The following SYT10 variants were observed in gnomAD, a reference collection of about 807,000 sequenced individuals.
SYT10 encodes synaptotagmin 10.
In SYT10, 31 loss-of-function variants were observed where a neutral mutation model predicts 51.1. That is an observed-to-expected ratio of 0.61 (90% CI 0.46 to 0.82). SYT10 has a LOEUF of 0.82. SYT10 is among the 40% of genes least tolerant of loss of function. The pLI, the probability that SYT10 is intolerant of heterozygous loss-of-function variation, is 0.00. For synonymous variants in SYT10, 233 were observed against 225.9 expected, an observed-to-expected ratio of 1.03 and a Z score of -0.28; for missense variants, 603 against 634.0, an observed-to-expected ratio of 0.95 and a Z score of 0.53.
At chr12:33,438,816 AT>A (rs1332832481) in intron 1 of SYT10, among the ~76,000 whole-genome samples, 7 of 152,236 alleles carry the variant, frequency 4.6e-5, no homozygotes, top group Non-Finnish European at 1.0e-4. Flanking sequence ...GGCTTTAGAA[AT>A]TGTCAGGTGC....
intron 1 of SYT10, among the ~76,000 whole-genome samples, chr12:33,429,048 T>C (rs1327135293): frequency 6.6e-6 from 1 of 152,080 alleles, no homozygotes; most frequent in African/African-American, 2.4e-5. Context: ...GGTGTTTTCA[T>C]TAGGATTTGC....
chr12:33,394,843 C>T (rs921020270), intron 3 of SYT10, among the ~76,000 whole-genome samples: 2 of 152,210 alleles, frequency 1.3e-5, no homozygotes, highest in Non-Finnish European at 2.9e-5. Flanking sequence ...AAACCCAGCA[C>T]TTTGGGAGCC....
chr12:33,436,131 T>A (rs1866635794), intron 1 of SYT10, among the ~76,000 whole-genome samples: 1 of 152,140 alleles, frequency 6.6e-6, no homozygotes, highest in South Asian at 2.1e-4. Context: ...CAACATAGGT[T>A]CCTTGAAATT....
chr12:33,381,292 C>A (rs1591980327), intron 5 of SYT10, among the ~76,000 whole-genome samples: 1 of 151,170 alleles, frequency 6.6e-6, no homozygotes, highest in Non-Finnish European at 1.5e-5. Flanking sequence ...TTCAGTGTTT[C>A]CCCCCCTAGC....
chr12:33,430,172 T>G (rs1866585009), intron 1 of SYT10, among the ~76,000 whole-genome samples: 1 of 152,246 alleles, frequency 6.6e-6, no homozygotes, highest in Middle Eastern at 3.2e-3. Context: ...ATAAACATTA[T>G]TCTGCCACTG....
intron 1 of SYT10, chr12:33,432,865 C>A (rs189732505): frequency 6.6e-6 from 1 of 152,034 alleles, no homozygotes; most frequent in East Asian, 1.9e-4. Flanking sequence ...CCTTTCTATT[C>A]CCCTTAGGAT....
chr12:33,400,077 G>T (rs1260980746), intron 3 of SYT10, among the ~76,000 whole-genome samples: 1 of 152,150 alleles, frequency 6.6e-6, no homozygotes, highest in Admixed American at 6.5e-5. Context: ...AGAAAGGTTT[G>T]CTCCCTACTG....
At chr12:33,430,557 T>C (rs559703248) in intron 1 of SYT10, among the ~76,000 whole-genome samples, 312 of 152,360 alleles carry the variant, frequency 2.0e-3, no homozygotes, top group African/African-American at 7.3e-3. Flanking sequence ...CAATTACTAC[T>C]GCTTGAATTG....
At chr12:33,398,191 A>T (rs942883009) in intron 3 of SYT10, among the ~76,000 whole-genome samples, 6 of 152,118 alleles carry the variant, frequency 3.9e-5, no homozygotes, top group Admixed American at 6.5e-5. Flanking sequence ...CGGCATTATG[A>T]GTATACACAT....
rs1219317934 is a variant in SYT10 at position 33,374,585 on chromosome 12, A to G, written c.*2245T>C. The G allele has an allele frequency of 6.6e-6, 1 of 151,834 alleles. No homozygotes were observed. Among genetic ancestry groups the G allele is most frequent in the African/African-American group, 2.4e-5 (1 of 41,382 alleles). 9.4% of individuals were successfully genotyped at this position (151,834 alleles called of 1,614,324 possible). Reference sequence around the variant, plus strand: ...GCCTTATTAATCTGAGCATAAACCTACCTCCTGAATTACATGAAAGATGAG... The same window carrying G: ...GCCTTATTAATCTGAGCATAAACCTGCCTCCTGAATTACATGAAAGATGAG... On this transcript the variant is annotated 3_prime_UTR_variant, in exon 7 of 7. Coordinates refer to ENST00000228567, the MANE Select transcript of SYT10 (RefSeq NM_198992.4).
chr12:33,411,438 T>C (rs573570722), intron 2 of SYT10, among the ~76,000 whole-genome samples: 67 of 152,236 alleles, frequency 4.4e-4, no homozygotes, highest in Non-Finnish European at 7.4e-4. Flanking sequence ...GATCAGACCA[T>C]TGTGTACAAA....
At chr12:33,381,882 C>T (rs1481785472) in intron 5 of SYT10, among the ~76,000 whole-genome samples, 1 of 152,178 alleles carries the variant, frequency 6.6e-6, no homozygotes, top group Admixed American at 6.6e-5. Flanking sequence ...TCCACTCTTA[C>T]TCCTCGTTGT....
Position 33,427,864 on chromosome 12 carries a change from T to G in SYT10, c.152-1369A>C, listed in dbSNP as rs115176913. The stretch of plus-strand genomic sequence containing the variant: ...TGACTTTTTCATGTTTGTGATTCAT[T>G]TAACTATGACATGAAGTACACTATG... On this transcript the variant is annotated intron_variant, in intron 1 of 6. Coordinates refer to ENST00000228567, the MANE Select transcript of SYT10 (RefSeq NM_198992.4). Among the ~76,000 whole-genome samples, 726 of 152,340 alleles carry G rather than the reference T, an allele frequency of 4.8e-3. 10 individuals carry two copies. The highest frequency in any genetic ancestry group is 0.016 in the African/African-American group (678 of 41,582).
chr12:33,435,229 A>G (rs1034488861), intron 1 of SYT10, among the ~76,000 whole-genome samples: 1 of 152,236 alleles, frequency 6.6e-6, no homozygotes, highest in African/African-American at 2.4e-5. Context: ...CAGTTCATAG[A>G]AAAAGGAAAT....
chr12:33,420,453 C>T (rs2138427373), intron 2 of SYT10, among the ~76,000 whole-genome samples: 1 of 151,672 alleles, frequency 6.6e-6, no homozygotes, highest in African/African-American at 2.4e-5. Flanking sequence ...TCAAGACCAG[C>T]TTAGGCAACA....
chr12:33,407,387 T>C, intron 2 of SYT10, 31 bp from the exon 3 acceptor site: 1 of 1,586,560 alleles, frequency 6.3e-7, no homozygotes, highest in Non-Finnish European at 8.5e-7. Flanking sequence ...ACAAAATCAT[T>C]GAGGGAGATC....
At chr12:33,409,801 C>A (rs1176863956) in intron 2 of SYT10, among the ~76,000 whole-genome samples, 2 of 152,002 alleles carry the variant, frequency 1.3e-5, no homozygotes, top group Non-Finnish European at 2.9e-5. Context: ...TGCCTGGCCA[C>A]AATACCATTT....
Position 33,439,733 on chromosome 12 carries a change from A to T in SYT10, c.-211T>A, listed in dbSNP as rs2138447670. 3.5e-6 allele frequency: 2 copies of T among 573,036 alleles called. No homozygotes were observed. Among genetic ancestry groups the T allele is most frequent in the Non-Finnish European group, 5.9e-6 (2 of 340,692 alleles). The allele number at this position is 573,036 out of a possible 1,614,324, so 35.5% of individuals were successfully genotyped here. A position where few individuals can be genotyped will look rare whatever the true frequency, so the allele number is the denominator to read the frequency against. ...GTAGGGGAAGGAGAGGCGCGCGAGG[A>T]GGCTGCGGCTGCCGCGAGGTTTGCG... On this transcript the variant is annotated 5_prime_UTR_variant, in exon 1 of 7. Transcript: ENST00000228567.
Position 33,439,038 on chromosome 12 carries a change from C to A in SYT10, c.151+334G>T, listed in dbSNP as rs560209200. 5.0e-4 allele frequency among the ~76,000 whole-genome samples: 76 copies of A among 152,358 alleles called. 2 individuals are homozygous for A. Among genetic ancestry groups the A allele is most frequent in the South Asian group, 3.5e-3 (17 of 4,832 alleles). ...CCGCGAGCCGTCCCGGCGCCGTCAC[C>A]GCCCGCACTCACTTCTCCACTCCGG... On this transcript the variant is annotated intron_variant, in intron 1 of 6. Transcript: ENST00000228567.
Sources: allele counts gnomAD v4.1 joint callset (sites outside exome capture counted in the v4.1 genomes callset), GRCh38; gene constraint gnomAD v4.1.1; transcripts MANE v1.5; gene names NCBI Gene and HGNC (gene_info 2026-07-23, HGNC 2026-07-21).